CFAP263: variants seen among roughly 807,000 people sequenced by gnomAD.
CFAP263 encodes the protein cilia- and flagella-associated protein 263.
the CFAP263 span, among the ~76,000 whole-genome samples, chr16:58,257,883 G>A: frequency 3.9e-5 from 6 of 151,920 alleles, no homozygotes; most frequent in South Asian, 2.1e-4. Context: ...CGAGGTGGGC[G>A]GATCACCTGA....
At chr16:58,272,208 G>T in the CFAP263 span, among the ~76,000 whole-genome samples, 1 of 151,966 alleles carries the variant, frequency 6.6e-6, no homozygotes, top group African/African-American at 2.4e-5. Context: ...AGTAGAGACG[G>T]GGTTTCACCA....
At chr16:58,279,629 A>T in the CFAP263 span, 1 of 1,373,766 alleles carries the variant, frequency 7.3e-7, no homozygotes. Flanking sequence ...GTTTTCCCCA[A>T]GTGACTTTCT....
chr16:58,279,806 C>T, the CFAP263 span: 1 of 1,514,536 alleles, frequency 6.6e-7, no homozygotes, highest in South Asian at 1.1e-5. Flanking sequence ...TTACAGACCA[C>T]TACATGACCT....
the CFAP263 span, among the ~76,000 whole-genome samples, chr16:58,256,588 A>C: frequency 1.3e-5 from 2 of 152,224 alleles, no homozygotes; most frequent in Admixed American, 6.5e-5. Context: ...ATTTCTTGAC[A>C]GCCATGCCAA....
the CFAP263 span, chr16:58,280,649 T>G: frequency 6.2e-7 from 1 of 1,614,130 alleles, no homozygotes; most frequent in Non-Finnish European, 8.5e-7. Context: ...TCCACCTTGG[T>G]GTACAGAAAC....
the CFAP263 span, among the ~76,000 whole-genome samples, chr16:58,261,488 C>A: frequency 2.0e-5 from 3 of 152,144 alleles, no homozygotes; most frequent in Non-Finnish European, 4.4e-5. Context: ...CCTGCCCTTG[C>A]GAGCTCATAG....
chr16:58,263,868 A>G, the CFAP263 span, among the ~76,000 whole-genome samples: 3 of 152,182 alleles, frequency 2.0e-5, no homozygotes, highest in African/African-American at 7.2e-5. Flanking sequence ...AATCTCGGCT[A>G]CTTGGGAGGC....
chr16:58,269,510 C>G, the CFAP263 span, among the ~76,000 whole-genome samples: 1 of 152,194 alleles, frequency 6.6e-6, no homozygotes, highest in Non-Finnish European at 1.5e-5. Flanking sequence ...CCCTCCAGCT[C>G]TCAGCAGCCA....
chr16:58,279,754 G>A, the CFAP263 span: 71 of 1,613,284 alleles, frequency 4.4e-5, no homozygotes, highest in Non-Finnish European at 5.6e-5. Flanking sequence ...GCAGTTGCAG[G>A]CAGATTACCT....
the CFAP263 span, chr16:58,281,697 C>T: frequency 1.3e-5 from 2 of 152,282 alleles, no homozygotes; most frequent in Non-Finnish European, 2.9e-5. Context: ...ATGTTGCTCT[C>T]GCAGTTTGGA....
chr16:58,266,405 ATTTTTTTTT>A, the CFAP263 span, among the ~76,000 whole-genome samples: 826 of 30,934 alleles, frequency 0.027, 3 homozygotes, highest in East Asian at 0.061. Flanking sequence ...ATATATATAT[ATTTTTTTTT>A]TTTTTTTTTT....
At chr16:58,270,030 A>G in the CFAP263 span, among the ~76,000 whole-genome samples, 2 of 152,132 alleles carry the variant, frequency 1.3e-5, no homozygotes, top group African/African-American at 4.8e-5. Flanking sequence ...TGCCCATCCT[A>G]CTTGCTATGA....
chr16:58,252,737 T>G, the CFAP263 span: 1 of 1,613,554 alleles, frequency 6.2e-7, no homozygotes, highest in South Asian at 1.1e-5. Context: ...CTATGTAAAC[T>G]CTGCTCTCAA....
the CFAP263 span, among the ~76,000 whole-genome samples, chr16:58,261,509 A>C: frequency 1.3e-5 from 2 of 152,232 alleles, no homozygotes; most frequent in African/African-American, 4.8e-5. Flanking sequence ...ACTAGTGGGC[A>C]GCAGTGTCAC....
chr16:58,271,974 T>C, the CFAP263 span, among the ~76,000 whole-genome samples: 1 of 152,158 alleles, frequency 6.6e-6, no homozygotes, highest in East Asian at 1.9e-4. Flanking sequence ...CCTCCATTTA[T>C]TTATTTTTAA....
the CFAP263 span, among the ~76,000 whole-genome samples, chr16:58,270,547 C>T: frequency 6.6e-6 from 1 of 150,826 alleles, no homozygotes; most frequent in Non-Finnish European, 1.5e-5. Flanking sequence ...ATATTTTCTC[C>T]CATTCTGTGG....
At chr16:58,259,610 C>T in the CFAP263 span, among the ~76,000 whole-genome samples, 2 of 152,088 alleles carry the variant, frequency 1.3e-5, no homozygotes, top group Non-Finnish European at 2.9e-5. Context: ...TAGCATACAC[C>T]CAAATAATCT....
the CFAP263 span, among the ~76,000 whole-genome samples, chr16:58,274,868 G>A: frequency 5.0e-3 from 769 of 152,336 alleles, 4 homozygotes; most frequent in Admixed American, 8.0e-3. Context: ...TTTTCCCGTA[G>A]TGACATTGCT....
chr16:58,249,959 C>G, the CFAP263 span: 1 of 1,234,416 alleles, frequency 8.1e-7, no homozygotes, highest in Non-Finnish European at 1.2e-6. Flanking sequence ...CGCGTGGCCG[C>G]CGGCACCCGG....
Sources: gnomAD v4.1 joint callset for allele counts (sites outside exome capture counted in the v4.1 genomes callset) on GRCh38, gnomAD v4.1.1 for gene constraint, MANE v1.5 for transcripts, NCBI Gene and HGNC (gene_info 2026-07-23, HGNC 2026-07-21) for gene names.